The following SAV1 variants were observed in gnomAD, a reference collection of about 807,000 sequenced individuals.
SAV1 encodes the protein salvador family WW domain containing protein 1.
Under a neutral mutation model 47.3 loss-of-function variants are expected in SAV1, and 23 were observed. That is an observed-to-expected ratio of 0.49 (90% CI 0.35 to 0.69). The LOEUF is 0.69. SAV1 is among the 30% of genes least tolerant of loss of function. The pLI is 0.01. For synonymous variants in SAV1, 155 were observed against 159.2 expected, an observed-to-expected ratio of 0.97 and a Z score of 0.20; for missense variants, 448 against 457.4, an observed-to-expected ratio of 0.98 and a Z score of 0.19.
chr14:50,649,784 A>G (rs1361162031), intron 2 of SAV1, among the ~76,000 whole-genome samples: 1 of 152,234 alleles, frequency 6.6e-6, no homozygotes. Flanking sequence ...CAGCATTTAA[A>G]TGAAAAGTTA....
chr14:50,641,343 AC>A (rs2140249409), intron 3 of SAV1, among the ~76,000 whole-genome samples: 1 of 152,272 alleles, frequency 6.6e-6, no homozygotes, highest in Non-Finnish European at 1.5e-5. Context: ...ACTCAAGAGA[AC>A]ATATGGGAGT....
intron 2 of SAV1, among the ~76,000 whole-genome samples, chr14:50,658,901 T>C (rs1257952041): frequency 6.6e-6 from 1 of 152,192 alleles, no homozygotes; most frequent in African/African-American, 2.4e-5. Flanking sequence ...GGCTTTTCTG[T>C]TTGGCATGTA....
intron 3 of SAV1, among the ~76,000 whole-genome samples, chr14:50,643,476 C>T (rs1322839754): frequency 6.6e-6 from 1 of 152,156 alleles, no homozygotes; most frequent in African/African-American, 2.4e-5. Flanking sequence ...GAACTCACTA[C>T]CAGAACAACA....
Position 50,644,902 on chromosome 14 carries a change from A to G in SAV1, c.648T>C (p.Tyr216=), listed in dbSNP as rs202149998. The change falls in exon 3 of 5, where the codon TAT becomes TAC. Residue 216 remains tyrosine, a synonymous_variant. Transcript: ENST00000324679. Reference sequence around the variant, plus strand: ...TTGTATTTGTGTTATGATCTATATAATATTTTCTCCCTCTCATTGTCCAGT... The same window carrying G: ...TTGTATTTGTGTTATGATCTATATAGTATTTTCTCCCTCTCATTGTCCAGT... ...SVDWTMRGRK[Y]YIDHNTNTTH... 9.2e-5 allele frequency: 148 copies of G among 1,614,094 alleles called. 1 individual carries two copies. The South Asian group carries it at 1.5e-3, about 16-fold the overall frequency.
rs761077489 is a variant in SAV1, at chr14:50,665,495, G to T, written c.219C>A (p.Phe73Leu). The change falls in exon 2 of 5, where the codon TTC becomes TTA. Residue 73 changes from phenylalanine to leucine, a missense_variant. By Grantham distance (22) the Phe-to-Leu change is conservative. Transcript: ENST00000324679. ...SGDVVSRNQS[F>L]LRTPIQRTPH... is the part of the protein sequence containing the mutation. ...GTGTTCTTTGAATTGGAGTTCTAAG[G>T]AAACTCTGGTTTCTTGAAACTACAT... The T allele has an allele frequency of 5.6e-6, 9 of 1,613,864 alleles. No individual in the cohort carries two copies. In the African/African-American group the frequency reaches 1.1e-4, roughly 19 times the overall value.
At chr14:50,648,290 G>A (rs2039738907) in intron 2 of SAV1, among the ~76,000 whole-genome samples, 1 of 152,156 alleles carries the variant, frequency 6.6e-6, no homozygotes. Flanking sequence ...GGAGGTGAGG[G>A]ACAGGAGTTG....
rs1354224421 is a variant in SAV1, at chr14:50,640,827, G to C, written c.873C>G (p.Ser291=). ...YQPQQTERNQ[S]LLVPANPYHT... ...GATATGGATTTGCAGGTACCAGAAG[G>C]GACTGATTTCTTTCAGTTTGCTGTG... is the stretch of plus-strand genomic sequence containing the variant. Residue 291 remains serine (S), a synonymous_variant, in exon 4 of 5, where the codon TCC becomes TCG. Coordinates refer to ENST00000324679, the MANE Select transcript of SAV1 (RefSeq NM_021818.4). The C allele has an allele frequency of 4.3e-6, 7 of 1,613,742 alleles. No homozygotes were observed. Among genetic ancestry groups the C allele is most frequent in the Non-Finnish European group, 5.9e-6 (7 of 1,179,828 alleles).
chr14:50,660,001 A>C (rs906187510), intron 2 of SAV1, among the ~76,000 whole-genome samples: 1 of 152,222 alleles, frequency 6.6e-6, no homozygotes, highest in Non-Finnish European at 1.5e-5. Context: ...CTATAGGTTT[A>C]AACAGTAACC....
intron 2 of SAV1, among the ~76,000 whole-genome samples, chr14:50,659,517 GGCT>G (rs2039841203): frequency 6.6e-6 from 1 of 152,208 alleles, no homozygotes; most frequent in African/African-American, 2.4e-5. Flanking sequence ...CCCCTGGGCA[GGCT>G]GCCCATAAGA....
chr14:50,665,317 A>G lies in SAV1; in HGVS notation c.397T>C (p.Tyr133His), dbSNP rs375038683. 1 of 1,613,804 alleles carries G rather than the reference A, an allele frequency of 6.2e-7. No homozygotes were observed. Among genetic ancestry groups the G allele is most frequent in the African/African-American group, 1.3e-5 (1 of 75,010 alleles). ...AVENGDSGSR[Y>H]YYSDNFFDGQ... ...TCAAAAAAATTGTCTGAATAATAATATCGGGAACCAGAGTCTCCATTTTCA... is the reference window on the plus strand; with the variant it reads ...TCAAAAAAATTGTCTGAATAATAATGTCGGGAACCAGAGTCTCCATTTTCA... Residue 133 changes from tyrosine (Y) to histidine (H), a missense_variant, in exon 2 of 5, where the codon TAT (tyrosine) becomes CAT (histidine). Tyr to His is a moderately conservative substitution (Grantham distance 83, BLOSUM62 2). Transcript: ENST00000324679.
chr14:50,648,118 C>T (rs1371310118), intron 2 of SAV1, among the ~76,000 whole-genome samples: 1 of 152,180 alleles, frequency 6.6e-6, no homozygotes, highest in Non-Finnish European at 1.5e-5. Context: ...TAAAATGGAA[C>T]TAATTATTGG....
intron 2 of SAV1, among the ~76,000 whole-genome samples, chr14:50,650,550 T>C (rs1327324494): frequency 6.6e-6 from 1 of 152,204 alleles, no homozygotes; most frequent in Non-Finnish European, 1.5e-5. Flanking sequence ...GGTGTGTGAC[T>C]TCTGAGATTA....
chr14:50,637,663 AGTTTTTTTTT>A (rs2039645898), intron 4 of SAV1: 2 of 128,778 alleles, frequency 1.6e-5, no homozygotes, highest in South Asian at 4.7e-4. Context: ...CAATTTTGTC[AGTTTTTTTTT>A]TTTTTTTTTT....
At position 50,665,404 on chromosome 14, in the gene SAV1, C is replaced by A. The variant is rs753337780; in HGVS notation, c.310G>T (p.Ala104Ser). 3 of 1,612,388 alleles carry A rather than the reference C, an allele frequency of 1.9e-6. No homozygotes were observed. Among genetic ancestry groups the A allele is most frequent in the Admixed American group, 3.3e-5 (2 of 59,806 alleles). Residue 104 changes from alanine to serine, a missense_variant, in exon 2 of 5, where the codon GCA (alanine) becomes TCA (serine). Physicochemically the swap from Ala to Ser is moderately conservative, Grantham distance 99. Transcript: ENST00000324679. ...GAACCATACTCTCTAGGGACATCTG[C>A]TAGACTTCTGGCAAGATAAGAAGGT... Reference protein sequence around the residue: ...SAPSYLARSLADVPREYGSSQ... With the variant: ...SAPSYLARSLSDVPREYGSSQ...
At chr14:50,650,368 C>T (rs753852617) in intron 2 of SAV1, among the ~76,000 whole-genome samples, 2 of 152,030 alleles carry the variant, frequency 1.3e-5, no homozygotes, top group African/African-American at 2.4e-5. Context: ...TATTTATTGC[C>T]CTGGAATAAT....
intron 2 of SAV1, among the ~76,000 whole-genome samples, chr14:50,655,907 T>A (rs554737458): frequency 5.9e-5 from 9 of 152,006 alleles, no homozygotes; most frequent in Non-Finnish European, 1.3e-4. Flanking sequence ...TAGCCGGGCA[T>A]GGTGGCATAT....
chr14:50,638,068 T>C (rs945603756), intron 4 of SAV1: 7 of 152,146 alleles, frequency 4.6e-5, no homozygotes, highest in African/African-American at 1.7e-4. Flanking sequence ...AAAATCCTTC[T>C]GGGGGAAGAA....
At chr14:50,637,435 G>A (rs1197827101) in intron 4 of SAV1, among the ~76,000 whole-genome samples, 1 of 152,136 alleles carries the variant, frequency 6.6e-6, no homozygotes, top group Non-Finnish European at 1.5e-5. Context: ...CCCAGAGTTA[G>A]CTAAGAGGCA....
chr14:50,642,491 GAAA>G (rs566683259), intron 3 of SAV1, among the ~76,000 whole-genome samples: 2 of 109,750 alleles, frequency 1.8e-5, no homozygotes. Context: ...CTCCGTCTCA[GAAA>G]AAAAAAAAAA....
Sources: allele counts gnomAD v4.1 joint callset (sites outside exome capture counted in the v4.1 genomes callset), GRCh38; gene constraint gnomAD v4.1.1; transcripts MANE v1.5; gene names NCBI Gene and HGNC (gene_info 2026-07-23, HGNC 2026-07-21).